Variants in WAPL observed in about 807,000 individuals in gnomAD.
WAPL encodes WAPL cohesin release factor.
A neutral mutation model predicts 121.0 loss-of-function variants in WAPL; 5 were observed. The observed-to-expected ratio is 0.04, with a 90% CI of 0.02 to 0.09. The LOEUF (loss-of-function observed/expected upper bound fraction) is 0.09. WAPL is among the 10% of genes least tolerant of loss of function. The probability of loss-of-function intolerance (pLI) is 1.00; values close to 1 mark genes in which losing one functional copy is unlikely to be tolerated. For synonymous variants in WAPL, 480 were observed against 481.5 expected (o/e 1.00, Z 0.04); for missense variants, 999 against 1,410.8 (o/e 0.71, Z 4.68).
intron 15 of WAPL, among the ~76,000 whole-genome samples, chr10:86,450,329 G>C (rs925732671): frequency 2.0e-5 from 3 of 152,080 alleles, no homozygotes; most frequent in Admixed American, 2.0e-4. Context: ...TCAAACTCCT[G>C]GGTGCAAGCA....
chr10:86,505,795 AG>A (rs1842338774), intron 2 of WAPL, among the ~76,000 whole-genome samples: 1 of 152,190 alleles, frequency 6.6e-6, no homozygotes, highest in South Asian at 2.1e-4. Context: ...AAAAAGAACA[AG>A]GAACACTATA....
intron 12 of WAPL, among the ~76,000 whole-genome samples, chr10:86,457,163 T>C (rs971767693): frequency 1.3e-5 from 2 of 151,960 alleles, no homozygotes; most frequent in African/African-American, 2.4e-5. Context: ...GGTAAAAACA[T>C]GGTAGCAAAC....
intron 9 of WAPL, chr10:86,467,072 G>A: frequency 1.9e-6 from 1 of 517,460 alleles, no homozygotes; most frequent in South Asian, 2.5e-5. Context: ...ACTATTTATT[G>A]GGCAAAAAGC....
At chr10:86,508,657 T>C (rs1437640233) in intron 2 of WAPL, among the ~76,000 whole-genome samples, 1 of 152,134 alleles carries the variant, frequency 6.6e-6, no homozygotes, top group East Asian at 1.9e-4. Context: ...GCTTCTATAA[T>C]ATATCACTTC....
chr10:86,477,445 CAG>C (rs1344715939), intron 4 of WAPL, among the ~76,000 whole-genome samples: 1 of 152,186 alleles, frequency 6.6e-6, no homozygotes. Flanking sequence ...TAAATGTTAA[CAG>C]AGTCATTCTG....
chr10:86,467,676 A>ATT (rs758088662), intron 8 of WAPL, among the ~76,000 whole-genome samples, 170 bp from the exon 9 acceptor site: 7 of 143,564 alleles, frequency 4.9e-5, no homozygotes, highest in Non-Finnish European at 4.6e-5. Context: ...CCTCTAAAAA[A>ATT]TTTTTTTTTT....
intron 4 of WAPL, among the ~76,000 whole-genome samples, chr10:86,475,083 T>C (rs1377495611): frequency 2.0e-5 from 3 of 152,246 alleles, no homozygotes; most frequent in African/African-American, 7.2e-5. Flanking sequence ...GTTATTGTGC[T>C]GCCCTATCAA....
At chr10:86,452,252 A>C in intron 14 of WAPL, 121 bp from the exon 15 acceptor site, 2 of 921,116 alleles carry the variant, frequency 2.2e-6, no homozygotes, top group Non-Finnish European at 3.1e-6. Context: ...CACCTACAAA[A>C]TGGCTAAAAA....
intron 12 of WAPL, among the ~76,000 whole-genome samples, chr10:86,456,514 T>A (rs1841150431): frequency 6.6e-6 from 1 of 152,174 alleles, no homozygotes; most frequent in African/African-American, 2.4e-5. Flanking sequence ...AAGTCCACGA[T>A]TTTTAAGTTT....
rs1841560095 is a variant in WAPL at position 86,472,673 on chromosome 10, A to G, written c.1832T>C (p.Ile611Thr). Residue 611 changes from isoleucine to threonine, a missense_variant, in exon 6 of 19, where the codon ATA (isoleucine) becomes ACA (threonine). Around this residue, in one of 7 missense-constraint regions of WAPL, gnomAD observed 74 missense variants for 115.1 expected, o/e 0.64. Coordinates refer to ENST00000298767, the MANE Select transcript of WAPL (RefSeq NM_015045.5). This position sits in a 1 kb window ranked among gnomAD's most constrained non-coding sequence, Gnocchi z 4.2. ...TATATCTTGGTAGGGCTGAGTAGGT[A>G]TTGTCACAGTTTTTATCACTTTGGA... ...PPSKVIKTVT[I>T]PTQPYQDIVT... 1 of 1,613,948 alleles carries G rather than the reference A, an allele frequency of 6.2e-7. No individual in the cohort carries two copies. Among genetic ancestry groups the G allele is most frequent in the Non-Finnish European group, 8.5e-7 (1 of 1,179,900 alleles).
At chr10:86,485,462 A>C (rs1289911052) in intron 4 of WAPL, among the ~76,000 whole-genome samples, 2 of 152,126 alleles carry the variant, frequency 1.3e-5, no homozygotes, top group Non-Finnish European at 2.9e-5. Context: ...ACTTGAACCC[A>C]AGAGACAGAG....
rs778677435 is a variant in WAPL, at chr10:86,437,401, T to G, written c.*142A>C. ...AAATGCCGAATGCATGACGAAGAAA[T>G]CAGGTGGCCTTAAAAATCCAAACAC... On this transcript the variant is annotated 3_prime_UTR_variant, in exon 19 of 19. Transcript: ENST00000298767. 24 of 732,394 alleles carry G rather than the reference T, an allele frequency of 3.3e-5. No individual in the cohort carries two copies. The highest frequency in any genetic ancestry group is 4.3e-5 in the Non-Finnish European group (20 of 466,034). The allele number at this position is 732,394 out of a possible 1,614,324, so 45.4% of individuals were successfully genotyped here.
chr10:86,493,811 G>C (rs1842096250), intron 4 of WAPL, among the ~76,000 whole-genome samples: 1 of 152,070 alleles, frequency 6.6e-6, no homozygotes, highest in African/African-American at 2.4e-5. Context: ...ACACCAGCCT[G>C]GCCAACATGA....
chr10:86,485,111 T>C (rs1250350083), intron 4 of WAPL, among the ~76,000 whole-genome samples: 1 of 108,628 alleles, frequency 9.2e-6, no homozygotes, highest in Admixed American at 1.2e-4. Flanking sequence ...CCTTCCCATC[T>C]ATAACTATCA....
chr10:86,454,600 C>T (rs778336918), intron 12 of WAPL, among the ~76,000 whole-genome samples: 2 of 152,256 alleles, frequency 1.3e-5, no homozygotes, highest in African/African-American at 4.8e-5. Context: ...CACCTCCCAG[C>T]CGCCTGCCTT....
chr10:86,507,811 T>C (rs566386717), intron 2 of WAPL, among the ~76,000 whole-genome samples: 14 of 152,208 alleles, frequency 9.2e-5, no homozygotes, highest in African/African-American at 3.4e-4. Flanking sequence ...ATTCTCAGTA[T>C]ACTAACCCCT....
At chr10:86,508,622 T>C (rs777826991) in intron 2 of WAPL, among the ~76,000 whole-genome samples, 3 of 152,192 alleles carry the variant, frequency 2.0e-5, no homozygotes, top group Non-Finnish European at 2.9e-5. Flanking sequence ...CGTCAGTCAA[T>C]ACTTTCTGAA....
At chr10:86,453,014 T>C (rs2132173566) in intron 14 of WAPL, among the ~76,000 whole-genome samples, 5 of 78,906 alleles carry the variant, frequency 6.3e-5, no homozygotes, top group African/African-American at 2.0e-4. Flanking sequence ...AGACTCCATC[T>C]CCCAAAAAAA....
chr10:86,455,696 AGAAAGAAAG>A (rs1841127238), intron 12 of WAPL, among the ~76,000 whole-genome samples: 3 of 101,400 alleles, frequency 3.0e-5, no homozygotes, highest in Non-Finnish European at 6.5e-5. Context: ...AAAAAAAAAA[AGAAAGAAAG>A]AAAAAAAAAG....
Sources: allele counts gnomAD v4.1 joint callset (sites outside exome capture counted in the v4.1 genomes callset), GRCh38; gene constraint gnomAD v4.1.1; regional missense constraint gnomAD v4.1.1; non-coding constraint Gnocchi (gnomAD v3.1); transcripts MANE v1.5; gene names NCBI Gene and HGNC (gene_info 2026-07-23, HGNC 2026-07-21).